The following CNTN5 variants were observed in gnomAD, a reference collection of about 807,000 sequenced individuals.
CNTN5 encodes contactin 5.
Under a neutral mutation model 129.1 loss-of-function variants are expected in CNTN5, and 77 were observed. That is an observed-to-expected ratio of 0.60 (90% CI 0.50 to 0.72). The LOEUF is 0.72. CNTN5 is among the 30% of genes least tolerant of loss of function. The pLI, the probability that CNTN5 is intolerant of heterozygous loss-of-function variation, is 0.00. For missense variants in CNTN5, 1,478 were observed against 1,328.8 expected, an observed-to-expected ratio of 1.11 and a Z score of -1.75; for synonymous variants, 509 against 465.6, an observed-to-expected ratio of 1.09 and a Z score of -1.20.
chr11:99,497,756 G>T (rs1031668549), intron 2 of CNTN5, among the ~76,000 whole-genome samples: 1 of 152,092 alleles, frequency 6.6e-6, no homozygotes, highest in Non-Finnish European at 1.5e-5. Context: ...ACAGATTACA[G>T]GTACAGTGAA....
chr11:99,407,710 T>C (rs535379264), intron 2 of CNTN5, among the ~76,000 whole-genome samples: 3 of 152,188 alleles, frequency 2.0e-5, no homozygotes, highest in Non-Finnish European at 4.4e-5. Context: ...TAGCTTGTAG[T>C]GGCAAGGCTT....
intron 2 of CNTN5, among the ~76,000 whole-genome samples, chr11:99,467,070 G>A (rs575720705): frequency 6.6e-6 from 1 of 152,140 alleles, no homozygotes; most frequent in East Asian, 1.9e-4. Context: ...GTAATACTTT[G>A]ACTATAGAAT....
intron 18 of CNTN5, among the ~76,000 whole-genome samples, chr11:100,274,506 G>A (rs1258876853): frequency 6.6e-6 from 1 of 151,922 alleles, no homozygotes; most frequent in Non-Finnish European, 1.5e-5. Flanking sequence ...CATCTATAAG[G>A]AACTTAAACA....
chr11:100,008,000 A>C (rs762102435), intron 9 of CNTN5, among the ~76,000 whole-genome samples: 8 of 152,058 alleles, frequency 5.3e-5, no homozygotes, highest in Non-Finnish European at 1.0e-4. Flanking sequence ...AGGGAATAAG[A>C]AATCCTGAAG....
chr11:100,180,696 C>T (rs113611149), intron 13 of CNTN5, among the ~76,000 whole-genome samples: 4,716 of 151,932 alleles, frequency 0.031, 242 homozygotes, highest in African/African-American at 0.11. Context: ...AGGTAAGCTA[C>T]GGACTGGCAG....
intron 4 of CNTN5, among the ~76,000 whole-genome samples, chr11:99,828,654 A>G (rs150195095): frequency 6.6e-6 from 1 of 152,218 alleles, no homozygotes; most frequent in Non-Finnish European, 1.5e-5. Flanking sequence ...GTTTTTGTTT[A>G]CACATGCATA....
chr11:100,273,774 A>G (rs1950451980), intron 18 of CNTN5, among the ~76,000 whole-genome samples: 1 of 152,214 alleles, frequency 6.6e-6, no homozygotes, highest in African/African-American at 2.4e-5. Context: ...GAAAGATTCA[A>G]TATCATTAAA....
intron 3 of CNTN5, among the ~76,000 whole-genome samples, chr11:99,682,038 T>G (rs1256439808): frequency 6.6e-6 from 1 of 151,934 alleles, no homozygotes; most frequent in Non-Finnish European, 1.5e-5. Flanking sequence ...GCAAAAAATT[T>G]TCTTCAAGAA....
intron 4 of CNTN5, among the ~76,000 whole-genome samples, chr11:99,844,233 CTA>C (rs1282449341): frequency 6.6e-6 from 1 of 152,140 alleles, no homozygotes; most frequent in African/African-American, 2.4e-5. Flanking sequence ...ATCTTATTGA[CTA>C]TTTAGTTGTA....
chr11:100,216,377 T>C (rs1245856257), intron 15 of CNTN5, among the ~76,000 whole-genome samples: 1 of 152,106 alleles, frequency 6.6e-6, no homozygotes. Flanking sequence ...AAAGATAAAT[T>C]GGAAATATGA....
At chr11:99,060,293 A>G (rs1007301818) in intron 1 of CNTN5, among the ~76,000 whole-genome samples, 18 of 152,262 alleles carry the variant, frequency 1.2e-4, no homozygotes, top group African/African-American at 4.1e-4. Flanking sequence ...GAAGAAAAAT[A>G]CAATAAAAAG....
intron 1 of CNTN5, among the ~76,000 whole-genome samples, chr11:99,113,238 G>T (rs1392941232): frequency 2.6e-5 from 4 of 151,948 alleles, no homozygotes; most frequent in South Asian, 2.1e-4. Context: ...TTTGATGATG[G>T]ATACAGGAGT....
intron 2 of CNTN5, among the ~76,000 whole-genome samples, chr11:99,516,736 A>T (rs1179063585): frequency 2.0e-5 from 3 of 152,120 alleles, no homozygotes; most frequent in African/African-American, 7.2e-5. Flanking sequence ...CTAATCCTGA[A>T]TTTTTTTAAG....
At chr11:100,028,541 C>G (rs187567265) in intron 9 of CNTN5, among the ~76,000 whole-genome samples, 2 of 152,260 alleles carry the variant, frequency 1.3e-5, no homozygotes, top group African/African-American at 2.4e-5. Flanking sequence ...CTTTATGAAG[C>G]ATTTGCCTAT....
chr11:99,701,544 G>A (rs1437494105), intron 3 of CNTN5, among the ~76,000 whole-genome samples: 2 of 151,026 alleles, frequency 1.3e-5, no homozygotes, highest in East Asian at 3.9e-4. Context: ...TTTTATGTAT[G>A]AAAGTGAAGC....
At chr11:99,564,972 T>G (rs1948955486) in intron 3 of CNTN5, among the ~76,000 whole-genome samples, 1 of 152,210 alleles carries the variant, frequency 6.6e-6, no homozygotes, top group Non-Finnish European at 1.5e-5. Context: ...ATATTCTTTT[T>G]AGACTATGGC....
chr11:100,055,137 G>A (rs1435333081), intron 9 of CNTN5, among the ~76,000 whole-genome samples: 1 of 148,714 alleles, frequency 6.7e-6, no homozygotes, highest in Non-Finnish European at 1.5e-5. Flanking sequence ...TACCTCATTT[G>A]TTTGTAAAAT....
intron 3 of CNTN5, among the ~76,000 whole-genome samples, chr11:99,651,764 C>G (rs901890964): frequency 6.6e-6 from 1 of 151,900 alleles, no homozygotes; most frequent in African/African-American, 2.4e-5. Flanking sequence ...TGTAAACTTT[C>G]TTTAACATGA....
At chr11:100,021,709 T>C (rs1941159911) in intron 9 of CNTN5, among the ~76,000 whole-genome samples, 4 of 152,152 alleles carry the variant, frequency 2.6e-5, no homozygotes, top group Admixed American at 2.6e-4. Flanking sequence ...ATCACTCACA[T>C]GATCACAAGG....
Sources: allele counts gnomAD v4.1 joint callset (sites outside exome capture counted in the v4.1 genomes callset), GRCh38; gene constraint gnomAD v4.1.1; transcripts MANE v1.5; gene names NCBI Gene and HGNC (gene_info 2026-07-23, HGNC 2026-07-21).